MINK1: variants seen among roughly 807,000 people sequenced by gnomAD.
The protein encoded by MINK1 is misshapen like kinase 1.
MINK1 carries 46 observed loss-of-function variants against 178.4 expected under a neutral mutation model. The ratio of observed to expected loss-of-function variants is 0.26; its 90% CI spans 0.20 to 0.33. The LOEUF (loss-of-function observed/expected upper bound fraction) is 0.33, where lower values mean the gene tolerates loss of function less well. Among genes scored for constraint, MINK1 ranks in the 10% least tolerant of loss-of-function variants. The pLI, the probability that MINK1 is intolerant of heterozygous loss-of-function variation, is 1.00. For synonymous variants in MINK1, 797 were observed against 709.7 expected, an observed-to-expected ratio of 1.12 and a Z score of -1.96; for missense variants, 1,366 against 1,814.9, an observed-to-expected ratio of 0.75 and a Z score of 4.49.
chr17:4,853,685 G>T (rs1419131818), intron 1 of MINK1, among the ~76,000 whole-genome samples: 1 of 152,110 alleles, frequency 6.6e-6, no homozygotes, highest in Non-Finnish European at 1.5e-5. Flanking sequence ...AGTCTGGGCA[G>T]TTGGGTGGTG....
chr17:4,835,281 T>C (rs1264369115), intron 1 of MINK1, among the ~76,000 whole-genome samples: 1 of 152,198 alleles, frequency 6.6e-6, no homozygotes, highest in Non-Finnish European at 1.5e-5. Context: ...ACCTTGGTTA[T>C]TGATTAACTG....
At chr17:4,891,810 C>T in intron 16 of MINK1, 94 bp downstream of exon 16, 1 of 1,453,004 alleles carries the variant, frequency 6.9e-7, no homozygotes, top group African/African-American at 1.4e-5. Flanking sequence ...AGGAAGAGTG[C>T]AGGGCGGGAA....
Position 4,833,697 on chromosome 17 carries a change from A to G in MINK1, c.57+57A>G. On this transcript the variant is annotated intron_variant, in intron 1 of 31. Transcript: ENST00000355280. This position sits in a 1 kb window ranked among gnomAD's most constrained non-coding sequence, Gnocchi z 4.8. ...TTCCTGTCCCCGCCGCAGGGGAGGG[A>G]GCGGGGTGGCTGCACGCCTCACGTG... The G allele has an allele frequency of 3.6e-6, 5 of 1,385,382 alleles. No homozygotes were observed. The highest frequency in any genetic ancestry group is 4.8e-6 in the Non-Finnish European group (5 of 1,051,546). The allele number at this position is 1,385,382 out of a possible 1,614,324, so 85.8% of individuals were successfully genotyped here. A position where few individuals can be genotyped will look rare whatever the true frequency, so the allele number is the denominator to read the frequency against.
chr17:4,897,130 CCTT>C (rs939447509), intron 31 of MINK1, 71 bp from the exon 32 acceptor site: 3 of 1,196,296 alleles, frequency 2.5e-6, no homozygotes, highest in African/African-American at 3.0e-5. Context: ...CCCCTTCTTC[CCTT>C]CTTTCCCTCT....
Position 4,889,728 on chromosome 17 carries a change from C to T in MINK1, c.1312C>T (p.Arg438Trp). ...RRLEDMQALRREEERRQAERE... is the reference protein window; with the variant it reads ...RRLEDMQALRWEEERRQAERE... ...GCTGGAGGACATGCAGGCTCTGCGG[C>T]GGGAGGAGGAGCGGCGGCAGGCGGA... The change falls in exon 13 of 32, where the codon CGG (arginine) becomes TGG (tryptophan). Residue 438 changes from arginine to tryptophan, a missense_variant. Around this residue, in one of 14 missense-constraint regions of MINK1, gnomAD observed 87 missense variants for 78.9 expected, o/e 1.10. Coordinates refer to ENST00000355280, the MANE Select transcript of MINK1 (RefSeq NM_153827.5). 1 of 1,549,912 alleles carries T rather than the reference C, an allele frequency of 6.5e-7. No homozygotes were observed. The highest frequency in any genetic ancestry group is 1.4e-5 in the African/African-American group (1 of 73,224).
At chr17:4,849,383 C>T (rs1017596408) in intron 1 of MINK1, among the ~76,000 whole-genome samples, 2 of 152,132 alleles carry the variant, frequency 1.3e-5, no homozygotes, top group Non-Finnish European at 2.9e-5. Flanking sequence ...ATGTGAGAGA[C>T]AAGACATTGG....
chr17:4,891,701 C>T lies in MINK1; in HGVS notation c.1986C>T (p.Asn662=), dbSNP rs752117855. 87 of 1,602,464 alleles carry T rather than the reference C, an allele frequency of 5.4e-5. No individual in the cohort carries two copies. The highest frequency in any genetic ancestry group is 5.0e-4 in the Middle Eastern group (3 of 6,058). Residue 662 remains asparagine (N), a synonymous_variant, in exon 16 of 32, where the codon AAC becomes AAT. Coordinates refer to ENST00000355280, the MANE Select transcript of MINK1 (RefSeq NM_153827.5). ...PNPPAWVRPD[N]EAPPKVPQRT... ...CCCCAGCCTGGGTCCGCCCAGATAA[C>T]GAGGCCCCACCCAAGGTAAGGACAG...
At position 4,897,452 on chromosome 17, in the gene MINK1, C is replaced by G. The variant is rs940539640; in HGVS notation, c.*165C>G. 1 of 610,316 alleles carries G rather than the reference C, an allele frequency of 1.6e-6. No individual in the cohort carries two copies. Among genetic ancestry groups the G allele is most frequent in the Non-Finnish European group, 2.9e-6 (1 of 347,274 alleles). 37.8% of individuals were successfully genotyped at this position (610,316 alleles called of 1,614,324 possible). On this transcript the variant is annotated 3_prime_UTR_variant, in exon 32 of 32. Coordinates refer to ENST00000355280, the MANE Select transcript of MINK1 (RefSeq NM_153827.5). ...CTCTGACCCCTGATGCTTTCGTGAT[C>G]ACGTGACCATCCTCTTCCCCAACAT...
rs1439860033 is a variant in MINK1, at chr17:4,895,934, C to T, written c.3365-69C>T. ...GGGCCTGGGTGGGGCAGTGTAGTGA[C>T]AGACCACGGGGAGGCGCCCGTGGCG... is the stretch of plus-strand genomic sequence containing the variant. On this transcript the variant is annotated intron_variant, in intron 27 of 31. Transcript: ENST00000355280. The surrounding 1 kb of genome is among the most constrained non-coding windows in gnomAD (Gnocchi z 4.3). The T allele has an allele frequency of 1.9e-6, 3 of 1,570,626 alleles. No homozygotes were observed. The highest frequency in any genetic ancestry group is 1.4e-5 in the African/African-American group (1 of 73,892).
Position 4,896,152 on chromosome 17 carries a change from C to T in MINK1, c.3466-41C>T. On this transcript the variant is annotated intron_variant, in intron 28 of 31. Transcript: ENST00000355280. This position sits in a 1 kb window ranked among gnomAD's most constrained non-coding sequence, Gnocchi z 4.6. ...CACCATCTGGAGTCCCAGCGCCTCT[C>T]CCCGTGCCCCTGAGCCCTCCTCTCC... is the stretch of plus-strand genomic sequence containing the variant. 2 of 1,604,838 alleles carry T rather than the reference C, an allele frequency of 1.2e-6. No homozygotes were observed. Among genetic ancestry groups the T allele is most frequent in the Non-Finnish European group, 1.7e-6 (2 of 1,175,114 alleles).
At chr17:4,857,153 G>A (rs996692797) in intron 1 of MINK1, 4 of 267,514 alleles carry the variant, frequency 1.5e-5, no homozygotes, top group Middle Eastern at 4.9e-4. Context: ...AGTTGGCAGG[G>A]GGGACAGCCG....
intron 1 of MINK1, among the ~76,000 whole-genome samples, chr17:4,839,058 T>C (rs544874482): frequency 4.8e-4 from 73 of 152,146 alleles, no homozygotes; most frequent in East Asian, 1.4e-3. Context: ...ATTCTCCTGC[T>C]TCAGCCTCCC....
rs745832932 is a variant in MINK1 at position 4,885,518 on chromosome 17, G to C, written c.544G>C (p.Val182Leu). The C allele has an allele frequency of 6.2e-6, 10 of 1,613,840 alleles. No homozygotes were observed. The East Asian group carries it at 8.9e-5, about 14-fold the overall frequency. Reference protein sequence around the residue: ...FGVSAQLDRTVGRRNTFIGTP... With the variant: ...FGVSAQLDRTLGRRNTFIGTP... ...GGTGAGTGCTCAGCTGGACCGCACC[G>C]TGGGCAGACGGAACACTTTCATTGG... The change falls in exon 7 of 32, where the codon GTG (valine) becomes CTG (leucine). Residue 182 changes from valine to leucine, a missense_variant. Coordinates refer to ENST00000355280, the MANE Select transcript of MINK1 (RefSeq NM_153827.5). The surrounding 1 kb of genome is among the most constrained non-coding windows in gnomAD (Gnocchi z 5.0).
At position 4,894,410 on chromosome 17, in the gene MINK1, G is replaced by A. The variant is rs1482410792; in HGVS notation, c.2808+99G>A. ...ACGGCAGAGGATGGGGCGGAGCGCT[G>A]GGAGCTGGACAGCGGGGGTGCCAGT... On this transcript the variant is annotated intron_variant, in intron 23 of 31. Coordinates refer to ENST00000355280, the MANE Select transcript of MINK1 (RefSeq NM_153827.5). This position sits in a 1 kb window ranked among gnomAD's most constrained non-coding sequence, Gnocchi z 4.1. 6.5e-7 allele frequency: 1 copy of A among 1,539,646 alleles called. No homozygotes were observed. The highest frequency in any genetic ancestry group is 1.4e-5 in the African/African-American group (1 of 73,002).
At position 4,891,361 on chromosome 17, in the gene MINK1, G is replaced by A. The variant is rs146359968; in HGVS notation, c.1741-95G>A. The A allele has an allele frequency of 3.5e-6, 5 of 1,445,120 alleles. No individual in the cohort carries two copies. In the African/African-American group the frequency reaches 4.3e-5, roughly 12 times the overall value. The allele number at this position is 1,445,120 out of a possible 1,614,324, so 89.5% of individuals were successfully genotyped here. A position where few individuals can be genotyped will look rare whatever the true frequency, so the allele number is the denominator to read the frequency against. On this transcript the variant is annotated intron_variant, in intron 15 of 31. Transcript: ENST00000355280. ...ACCCCTTGTCCTTCAATGGAGGAAGGGGCAGCTAAAGTCCTTTCCCACCCC... is the reference window on the plus strand; with the variant it reads ...ACCCCTTGTCCTTCAATGGAGGAAGAGGCAGCTAAAGTCCTTTCCCACCCC...
intron 4 of MINK1, among the ~76,000 whole-genome samples, chr17:4,883,997 C>G (rs1043365611): frequency 1.3e-5 from 2 of 151,648 alleles, no homozygotes; most frequent in Non-Finnish European, 2.9e-5. Context: ...CCCCACCCTG[C>G]CAGTTCTTTT....
At chr17:4,847,145 GTTTGACTTTGCC>G (rs1449821617) in intron 1 of MINK1, 1 of 474,252 alleles carries the variant, frequency 2.1e-6, no homozygotes, top group Admixed American at 2.2e-5. Context: ...ACAACGGGCT[GTTTGACTTTGCC>G]TTTGAGGCAA....
In MINK1 at chr17:4,886,395, C is replaced by T. The variant is rs1290368862; in HGVS notation, c.774-56C>T. On this transcript the variant is annotated intron_variant, in intron 9 of 31. Transcript: ENST00000355280. The surrounding 1 kb of genome is among the most constrained non-coding windows in gnomAD (Gnocchi z 6.1). ...TGGATGAATGATCCACCCTCTTCCT[C>T]CTGCACCCATCCCTTCTGAGGGGAC... The T allele has an allele frequency of 1.3e-6, 2 of 1,565,674 alleles. No individual in the cohort carries two copies. Among genetic ancestry groups the T allele is most frequent in the East Asian group, 2.2e-5 (1 of 44,508 alleles).
intron 1 of MINK1, among the ~76,000 whole-genome samples, chr17:4,848,570 C>T (rs1235998011): frequency 3.9e-5 from 6 of 152,330 alleles, no homozygotes; most frequent in African/African-American, 1.4e-4. Flanking sequence ...CCGTGTTAGC[C>T]AGGATGGTCT....
Sources: gnomAD v4.1 joint callset for allele counts (sites outside exome capture counted in the v4.1 genomes callset) on GRCh38, gnomAD v4.1.1 for gene constraint, gnomAD v4.1.1 regional missense constraint, Gnocchi (gnomAD v3.1) non-coding constraint, MANE v1.5 for transcripts, NCBI Gene and HGNC (gene_info 2026-07-23, HGNC 2026-07-21) for gene names.